MAMDC2: variants seen among roughly 807,000 people sequenced by gnomAD.
MAMDC2 encodes the protein MAM domain-containing protein 2.
A neutral mutation model predicts 89.8 loss-of-function variants in MAMDC2; 57 were observed. That is an observed-to-expected ratio of 0.63 (90% CI 0.51 to 0.79). The LOEUF (loss-of-function observed/expected upper bound fraction) is 0.79. MAMDC2 is among the 30% of genes least tolerant of loss of function. MAMDC2 has a pLI of 0.00. For missense variants in MAMDC2, 800 were observed against 820.6 expected (o/e 0.97, Z 0.31); for synonymous variants, 313 against 293.4 (o/e 1.07, Z -0.68).
At chr9:70,044,884 G>A (rs1164853752) in intron 2 of MAMDC2, among the ~76,000 whole-genome samples, 187 bp downstream of exon 2, 3 of 152,254 alleles carry the variant, frequency 2.0e-5, no homozygotes, top group Non-Finnish European at 2.9e-5. Context: ...GGGGCGGGCG[G>A]GAGGCCGCCC....
At chr9:70,065,324 A>G (rs1283266423) in intron 2 of MAMDC2, among the ~76,000 whole-genome samples, 1 of 152,206 alleles carries the variant, frequency 6.6e-6, no homozygotes, top group Non-Finnish European at 1.5e-5. Flanking sequence ...TTAAAATAAA[A>G]TATATTCCAG....
At chr9:70,101,336 G>A (rs961880582) in intron 2 of MAMDC2, among the ~76,000 whole-genome samples, 6 of 149,334 alleles carry the variant, frequency 4.0e-5, no homozygotes, top group African/African-American at 1.5e-4. Flanking sequence ...AGTAAACGAA[G>A]GTTAATTCAT....
chr9:70,196,334 C>T (rs578131491), intron 11 of MAMDC2, among the ~76,000 whole-genome samples: 14 of 152,102 alleles, frequency 9.2e-5, no homozygotes, highest in Admixed American at 3.9e-4. Context: ...TGCTGTTGCA[C>T]GTCAAACTGC....
intron 2 of MAMDC2, among the ~76,000 whole-genome samples, chr9:70,076,205 G>A (rs1237286348): frequency 6.6e-6 from 1 of 152,134 alleles, no homozygotes; most frequent in South Asian, 2.1e-4. Context: ...GGCAGATCAC[G>A]AGGTCAGGAG....
chr9:70,165,603 A>G (rs2032147523), intron 9 of MAMDC2, among the ~76,000 whole-genome samples: 1 of 152,184 alleles, frequency 6.6e-6, no homozygotes, highest in Non-Finnish European at 1.5e-5. Context: ...GACGTCTGCT[A>G]TTGTCCAAAA....
At chr9:70,127,564 A>G (rs1315789153) in intron 6 of MAMDC2, among the ~76,000 whole-genome samples, 1 of 151,658 alleles carries the variant, frequency 6.6e-6, no homozygotes, top group Non-Finnish European at 1.5e-5. Flanking sequence ...CGGTGGTGCC[A>G]TCTGCTAGCC....
At chr9:70,115,947 C>T (rs890394006) in intron 5 of MAMDC2, among the ~76,000 whole-genome samples, 2 of 152,174 alleles carry the variant, frequency 1.3e-5, no homozygotes, top group African/African-American at 4.8e-5. Context: ...TCATGTGTGA[C>T]AATAGGCTAG....
At chr9:70,171,771 GGAA>G (rs1449230304) in intron 11 of MAMDC2, among the ~76,000 whole-genome samples, 4 of 152,072 alleles carry the variant, frequency 2.6e-5, no homozygotes, top group African/African-American at 9.7e-5. Flanking sequence ...GGGCCACATT[GGAA>G]GAAGAATTGT....
At chr9:70,199,932 T>C (rs1304052018) in intron 11 of MAMDC2, among the ~76,000 whole-genome samples, 2 of 152,144 alleles carry the variant, frequency 1.3e-5, no homozygotes, top group Non-Finnish European at 2.9e-5. Flanking sequence ...TTTGAGTTCA[T>C]TGTAGATTCT....
intron 11 of MAMDC2, among the ~76,000 whole-genome samples, chr9:70,184,917 C>T (rs564240097): frequency 2.5e-4 from 38 of 152,186 alleles, no homozygotes; most frequent in African/African-American, 8.7e-4. Flanking sequence ...GTTTTGTGCC[C>T]TTGCTGGAGA....
intron 11 of MAMDC2, among the ~76,000 whole-genome samples, chr9:70,182,285 A>G (rs1230592377): frequency 6.6e-6 from 1 of 152,094 alleles, no homozygotes; most frequent in Non-Finnish European, 1.5e-5. Context: ...TTTTGCATTG[A>G]TGTTCATCAG....
intron 2 of MAMDC2, among the ~76,000 whole-genome samples, chr9:70,064,507 A>G (rs1032366379): frequency 1.1e-4 from 16 of 152,202 alleles, no homozygotes; most frequent in Non-Finnish European, 2.2e-4. Flanking sequence ...AGGAACCACT[A>G]CAACCAATTT....
intron 2 of MAMDC2, among the ~76,000 whole-genome samples, chr9:70,072,069 A>G (rs1480331707): frequency 6.6e-6 from 1 of 152,226 alleles, no homozygotes; most frequent in African/African-American, 2.4e-5. Flanking sequence ...TCAGCTGTCA[A>G]TTAAGTAGAT....
chr9:70,062,193 C>A (rs1023889909), intron 2 of MAMDC2, among the ~76,000 whole-genome samples: 2 of 151,422 alleles, frequency 1.3e-5, no homozygotes, highest in South Asian at 2.1e-4. Flanking sequence ...TTTTTAATTT[C>A]AAAAAATCAG....
chr9:70,136,774 T>C (rs540898153), intron 7 of MAMDC2, among the ~76,000 whole-genome samples: 91 of 152,344 alleles, frequency 6.0e-4, no homozygotes, highest in Non-Finnish European at 1.2e-3. Context: ...TTTATTTGTT[T>C]TTTTATTACC....
intron 2 of MAMDC2, among the ~76,000 whole-genome samples, chr9:70,104,052 G>A (rs1486041440): frequency 6.6e-6 from 1 of 151,106 alleles, no homozygotes. Flanking sequence ...TTTTCTATTC[G>A]ATAAGATCTA....
intron 13 of MAMDC2, 35 bp from the exon 14 acceptor site, chr9:70,225,933 A>C (rs986781434): frequency 1.3e-6 from 2 of 1,489,318 alleles, no homozygotes; most frequent in Non-Finnish European, 1.8e-6. Context: ...TCTATAATAA[A>C]AATACTGTTA....
intron 2 of MAMDC2, among the ~76,000 whole-genome samples, chr9:70,095,662 T>C (rs576811108): frequency 1.3e-5 from 2 of 152,268 alleles, no homozygotes; most frequent in Admixed American, 6.5e-5. Context: ...AGTCTGGAAG[T>C]GATAGGGGAT....
At chr9:70,191,896 T>C (rs560774947) in intron 11 of MAMDC2, among the ~76,000 whole-genome samples, 22 of 152,284 alleles carry the variant, frequency 1.4e-4, no homozygotes, top group Admixed American at 3.3e-4. Flanking sequence ...ATTTCACAAA[T>C]GCCTTAGAAG....
Sources: gnomAD v4.1 joint callset for allele counts (sites outside exome capture counted in the v4.1 genomes callset) on GRCh38, gnomAD v4.1.1 for gene constraint, MANE v1.5 for transcripts, NCBI Gene and HGNC (gene_info 2026-07-23, HGNC 2026-07-21) for gene names.